Variants in TBRG4 observed in about 807,000 individuals in gnomAD.
The protein encoded by TBRG4 is transforming growth factor beta regulator 4, also known as FAST kinase domain-containing protein 4.
In TBRG4, 43 loss-of-function variants were observed where a neutral mutation model predicts 65.6. That is an observed-to-expected ratio of 0.66 (90% CI 0.51 to 0.85). The LOEUF (loss-of-function observed/expected upper bound fraction) is 0.85. Ranked by LOEUF, TBRG4 falls within the 40% of genes least tolerant of loss-of-function variation. TBRG4 has a pLI of 0.00. For synonymous variants in TBRG4, 366 were observed against 341.4 expected, an observed-to-expected ratio of 1.07 and a Z score of -0.79; for missense variants, 709 against 787.9, an observed-to-expected ratio of 0.90 and a Z score of 1.20.
chr7:45,109,222 C>T lies in TBRG4; in HGVS notation c.16G>A (p.Val6Ile). ...CTCAGGAGGCACGTGCATCGCTTTA[C>T]CAGGTGAGCTGCCATGATGTCCTGG... Reference protein sequence around the residue: MAAHLVKRCTCLLREA... With the variant: MAAHLIKRCTCLLREA... The change falls in exon 2 of 11, where the codon GTA becomes ATA. Residue 6 changes from valine to isoleucine, a missense_variant. By Grantham distance (29) the Val-to-Ile change is conservative. Transcript: ENST00000258770. 6.3e-7 allele frequency: 1 copy of T among 1,598,926 alleles called. No homozygotes were observed.
At chr7:45,110,524 G>A (rs7810584) in intron 1 of TBRG4, among the ~76,000 whole-genome samples, 5,386 of 150,334 alleles carry the variant, frequency 0.036, 309 homozygotes, top group African/African-American at 0.12. Flanking sequence ...AAAATTAGCC[G>A]GGCGTGGTGG....
intron 3 of TBRG4, 133 bp from the exon 4 acceptor site, chr7:45,104,842 A>C: frequency 7.3e-7 from 1 of 1,364,032 alleles, no homozygotes; most frequent in Non-Finnish European, 1.0e-6. Flanking sequence ...TGAGCTGACT[A>C]AACACAGGAC....
intron 1 of TBRG4, chr7:45,111,334 G>T (rs966361712): frequency 1.8e-5 from 3 of 169,622 alleles, no homozygotes. Flanking sequence ...TAGGCAAACA[G>T]CAATCCAAAA....
At chr7:45,104,009 G>A in intron 5 of TBRG4, 90 bp downstream of exon 5, 1 of 1,440,776 alleles carries the variant, frequency 6.9e-7, no homozygotes. Flanking sequence ...AGCATTTTCA[G>A]ACTGGCTTTA....
rs759063842 is a variant in TBRG4, at chr7:45,104,117, C to G, written c.1047G>C (p.Leu349=). ...FALLKWLSLP[L]FEAFAQHVLN... Reference sequence around the variant, plus strand: ...GGCTCACCTGGGCAAAGGCCTCAAACAGGGGCAGGCTGAGCCACTTGAGTA... The same window carrying G: ...GGCTCACCTGGGCAAAGGCCTCAAAGAGGGGCAGGCTGAGCCACTTGAGTA... Residue 349 remains leucine (L), a synonymous_variant, in exon 5 of 11, where the codon CTG becomes CTC. Coordinates refer to ENST00000258770, the MANE Select transcript of TBRG4 (RefSeq NM_004749.4). 6.2e-7 allele frequency: 1 copy of G among 1,609,654 alleles called. No individual in the cohort carries two copies. Among genetic ancestry groups the G allele is most frequent in the African/African-American group, 1.3e-5 (1 of 74,972 alleles).
At position 45,105,758 on chromosome 7, in the gene TBRG4, A is replaced by C; in HGVS notation, c.418T>G (p.Ser140Ala). 9.4e-6 allele frequency: 15 copies of C among 1,602,180 alleles called. No homozygotes were observed. Among genetic ancestry groups the C allele is most frequent in the Non-Finnish European group, 1.3e-5 (15 of 1,172,492 alleles). ...TTCGAGAGGGTACCATGCCAGACCG[A>C]GGCAATCTAGGCAGAGAAAGGACAC... is the stretch of plus-strand genomic sequence containing the variant. ...LLCLLNSQIA[S>A]VWHGTLSKLL... The change falls in exon 3 of 11, where the codon TCG becomes GCG. Residue 140 changes from serine to alanine, a missense_variant. Transcript: ENST00000258770.
At position 45,104,183 on chromosome 7, in the gene TBRG4, C is replaced by G; in HGVS notation, c.981G>C (p.Leu327=). 1 of 1,614,124 alleles carries G rather than the reference C, an allele frequency of 6.2e-7. No homozygotes were observed. Among genetic ancestry groups the G allele is most frequent in the Non-Finnish European group, 8.5e-7 (1 of 1,180,040 alleles). Residue 327 remains leucine (L), a synonymous_variant, in exon 5 of 11, where the codon CTG becomes CTC. Coordinates refer to ENST00000258770, the MANE Select transcript of TBRG4 (RefSeq NM_004749.4). The part of the protein sequence containing the change: ...ATDLLSLMPS[L]TSGEVAHCAK... ...CACAGTGGGCCACCTCACCAGAAGT[C>G]AGGCTGGGCATGAGGGATAGCAGGT...
rs148174963 is a variant in TBRG4 at position 45,108,946 on chromosome 7, T to G, written c.292A>C (p.Asn98His). 6.1e-4 allele frequency: 979 copies of G among 1,612,616 alleles called. No homozygotes were observed. The highest frequency in any genetic ancestry group is 6.5e-4 in the Non-Finnish European group (761 of 1,179,342). The change falls in exon 2 of 11, where the codon AAT becomes CAT. Residue 98 changes from asparagine to histidine, a missense_variant. By Grantham distance (68) the Asn-to-His change is moderately conservative. Coordinates refer to ENST00000258770, the MANE Select transcript of TBRG4 (RefSeq NM_004749.4). ...LLGGSHDLDS[N>H]QAAMVLIRLS... ...CGGATAAGTACCATTGCTGCTTGAT[T>G]GCTGTCCAAGTCGTGACTGCCACCA...
intron 7 of TBRG4, 32 bp downstream of exon 7, chr7:45,102,315 A>C (rs781733729): frequency 6.2e-7 from 1 of 1,613,320 alleles, no homozygotes; most frequent in Non-Finnish European, 8.5e-7. Context: ...GCAGTTTCCC[A>C]GTTCCAGTAG....
intron 1 of TBRG4, 30 bp downstream of exon 1, chr7:45,111,613 C>A (rs1301875140): frequency 7.8e-7 from 1 of 1,289,476 alleles, no homozygotes; most frequent in Non-Finnish European, 1.0e-6. Context: ...CACGATCAGC[C>A]GCCCCTTCTC....
chr7:45,105,597 G>A lies in TBRG4; in HGVS notation c.579C>T (p.Thr193=), dbSNP rs150306532. The A allele has an allele frequency of 3.6e-5, 58 of 1,614,020 alleles. 1 individual carries two copies. The highest frequency in any genetic ancestry group is 4.5e-5 in the Non-Finnish European group (53 of 1,180,046). ...CCTGCGAGTGCTGCTCCTGTGAGAGGGTGGCACAGGACTCTGCCAGGAAGG... is the reference window on the plus strand; with the variant it reads ...CCTGCGAGTGCTGCTCCTGTGAGAGAGTGGCACAGGACTCTGCCAGGAAGG... ...HLAFLAESCA[T]LSQEQHSQEL... Residue 193 remains threonine, a synonymous_variant, in exon 3 of 11, where the codon ACC becomes ACT. Transcript: ENST00000258770.
chr7:45,106,134 A>G, intron 2 of TBRG4: 1 of 526,420 alleles, frequency 1.9e-6, no homozygotes, highest in Non-Finnish European at 3.8e-6. Flanking sequence ...CCTCAGGCAC[A>G]GGCCAGATCC....
At chr7:45,103,660 C>T in intron 5 of TBRG4, 1 of 569,472 alleles carries the variant, frequency 1.8e-6, no homozygotes, top group Non-Finnish European at 3.1e-6. Context: ...GCTGGGGACA[C>T]CTAGAAGCTG....
rs762037956 is a variant in TBRG4 at position 45,108,864 on chromosome 7, G to A, written c.374C>T (p.Ala125Val). 4 of 1,550,436 alleles carry A rather than the reference G, an allele frequency of 2.6e-6. No homozygotes were observed. The highest frequency in any genetic ancestry group is 3.5e-6 in the Non-Finnish European group (4 of 1,151,838). ...CAGACAGAGAAGTTGATGAAAGTGGGCATCCTGTATGAGCAAGCCTTTATC... is the reference window on the plus strand; with the variant it reads ...CAGACAGAGAAGTTGATGAAAGTGGACATCCTGTATGAGCAAGCCTTTATC... ...PEDKGLLIQD[A>V]HFHQLLCLLN... The change falls in exon 2 of 11, where the codon GCC becomes GTC. Residue 125 changes from alanine to valine, a missense_variant. Physicochemically the swap from Ala to Val is moderately conservative, Grantham distance 64 (BLOSUM62 0). Transcript: ENST00000258770.
chr7:45,108,973 G>A lies in TBRG4; in HGVS notation c.265C>T (p.Leu89Phe), dbSNP rs749190900. Residue 89 changes from leucine to phenylalanine, a missense_variant, in exon 2 of 11, where the codon CTT becomes TTT. By Grantham distance (22) the Leu-to-Phe change is conservative. Coordinates refer to ENST00000258770, the MANE Select transcript of TBRG4 (RefSeq NM_004749.4). ...CTGTCCAAGTCGTGACTGCCACCAA[G>A]TAGCTCCAGGAGCTCCTCTGGCCTT... Reference protein sequence around the residue: ...ATRPEELLELLGGSHDLDSNQ... With the variant: ...ATRPEELLELFGGSHDLDSNQ... 1.1e-5 allele frequency: 18 copies of A among 1,612,688 alleles called. No homozygotes were observed. The highest frequency in any genetic ancestry group is 5.0e-5 in the Admixed American group (3 of 59,706).
intron 3 of TBRG4, chr7:45,105,092 A>G (rs1375444191): frequency 1.5e-6 from 1 of 679,058 alleles, no homozygotes; most frequent in South Asian, 1.4e-5. Context: ...TTCTAGCCAG[A>G]AGCCAGGCCT....
Position 45,101,328 on chromosome 7 carries a change from C to T in TBRG4, c.1724G>A (p.Ser575Asn), listed in dbSNP as rs767598096. ...AACAAAGCGACCCAGCAAGTCCTTG[C>T]TTCGGCTGTTGAAGTTGGGGAACTC... is the stretch of plus-strand genomic sequence containing the variant. Reference protein sequence around the residue: ...RWEFPNFNSRSKDLLGRFVLA... With the variant: ...RWEFPNFNSRNKDLLGRFVLA... The change falls in exon 10 of 11, where the codon AGC becomes AAC. Residue 575 changes from serine (S) to asparagine (N), a missense_variant. Transcript: ENST00000258770. The T allele has an allele frequency of 2.5e-6, 4 of 1,613,922 alleles. No homozygotes were observed. Among genetic ancestry groups the T allele is most frequent in the African/African-American group, 2.7e-5 (2 of 74,944 alleles).
At position 45,109,970 on chromosome 7, in the gene TBRG4, CAA is replaced by C. The variant is rs11311938; in HGVS notation, c.-50-685_-50-684del. Among the ~76,000 whole-genome samples the C allele has an allele frequency of 9.4e-3, 1,011 of 107,856 alleles. 11 individuals are homozygous for C. The highest frequency in any genetic ancestry group is 0.028 in the African/African-American group (770 of 27,130). The allele number at this position is 107,856 out of a possible 152,430, so 70.8% of individuals were successfully genotyped here. A position where few individuals can be genotyped will look rare whatever the true frequency, so the allele number is the denominator to read the frequency against. ...CCAGCCTGGGTGAGAGACTCCATCT[CAA>C]AAAAAAAAAAAAAAAAAAATTCACA... On this transcript the variant is annotated intron_variant, in intron 1 of 10. Transcript: ENST00000258770.
Position 45,102,503 on chromosome 7 carries a change from T to A in TBRG4, c.1177-12A>T. On this transcript the variant is annotated splice_polypyrimidine_tract_variant and intron_variant, in intron 6 of 10. Transcript: ENST00000258770. ...AGCTTCTCATGTACCTGGGCAAGGA[T>A]AGAGTGTGGTGGAGAAAGCAGGCTC... 1 of 1,606,070 alleles carries A rather than the reference T, an allele frequency of 6.2e-7. No individual in the cohort carries two copies. Among genetic ancestry groups the A allele is most frequent in the African/African-American group, 1.3e-5 (1 of 74,960 alleles).
Sources: allele counts gnomAD v4.1 joint callset (sites outside exome capture counted in the v4.1 genomes callset), GRCh38; gene constraint gnomAD v4.1.1; transcripts MANE v1.5; gene names NCBI Gene and HGNC (gene_info 2026-07-23, HGNC 2026-07-21).